The following CSMD2 variants were observed in gnomAD, a reference collection of about 807,000 sequenced individuals.
The protein encoded by CSMD2 is CUB and Sushi multiple domains 2, also known as CUB and sushi domain-containing protein 2.
Under a neutral mutation model 398.5 loss-of-function variants are expected in CSMD2, and 130 were observed. That is an observed-to-expected ratio of 0.33 (90% CI 0.28 to 0.38). The LOEUF (loss-of-function observed/expected upper bound fraction) is 0.38, where lower values mean the gene tolerates loss of function less well. CSMD2 is among the 10% of genes least tolerant of loss of function. The pLI is 1.00. For missense variants in CSMD2, 3,829 were observed against 4,764.9 expected, an observed-to-expected ratio of 0.80 and a Z score of 5.78; for synonymous variants, 1,828 against 1,908.5, an observed-to-expected ratio of 0.96 and a Z score of 1.10.
chr1:33,533,050 C>G lies in CSMD2; in HGVS notation c.10171G>C (p.Glu3391Gln), dbSNP rs775744927. ...SWTGKPPICL[E>Q]VRPSGRPINT... ...AGCTTCCCCGAGCAGGCACACTCAC[C>G]CAGGCAGATGGGCGGCTTGCCTGTC... The change falls in exon 64 of 71, where the codon GAG (glutamate) becomes CAG (glutamine). Residue 3391 changes from glutamate to glutamine, a missense_variant and splice_region_variant. Coordinates refer to ENST00000373381, the MANE Select transcript of CSMD2 (RefSeq NM_001281956.2). This position sits in a 1 kb window ranked among gnomAD's most constrained non-coding sequence, Gnocchi z 4.2. 7.5e-6 allele frequency: 12 copies of G among 1,608,752 alleles called. No individual in the cohort carries two copies. Among genetic ancestry groups the G allele is most frequent in the Non-Finnish European group, 9.3e-6 (11 of 1,177,674 alleles).
At chr1:33,999,255 C>T (rs764555919) in intron 3 of CSMD2, among the ~76,000 whole-genome samples, 2 of 152,086 alleles carry the variant, frequency 1.3e-5, no homozygotes, top group African/African-American at 2.4e-5. Context: ...TTGGAGAGGA[C>T]GGGCAGTGGG....
chr1:33,606,614 C>T (rs1014338766), intron 41 of CSMD2, among the ~76,000 whole-genome samples: 13 of 152,190 alleles, frequency 8.5e-5, no homozygotes, highest in South Asian at 2.1e-4. Context: ...AAAGTCTCAG[C>T]GGAAGCAGGG....
At chr1:33,725,625 C>A (rs1232634750) in intron 16 of CSMD2, 89 bp from the exon 17 acceptor site, 3 of 1,218,404 alleles carry the variant, frequency 2.5e-6, no homozygotes, top group Non-Finnish European at 1.2e-6. Context: ...CCAGGGCTTC[C>A]GAATAACCAG....
intron 3 of CSMD2, among the ~76,000 whole-genome samples, chr1:33,943,958 ACACG>A (rs1005566288): frequency 1.2e-4 from 18 of 145,594 alleles, no homozygotes; most frequent in Non-Finnish European, 2.7e-4. Context: ...ACACACACAC[ACACG>A]AAGCAATAAA....
At chr1:34,092,465 A>G (rs1012630408) in intron 1 of CSMD2, among the ~76,000 whole-genome samples, 3 of 152,138 alleles carry the variant, frequency 2.0e-5, no homozygotes, top group Non-Finnish European at 2.9e-5. Context: ...GAGGCAGAAG[A>G]GGGGTGATTT....
chr1:33,929,054 C>T (rs1644223627), intron 4 of CSMD2, among the ~76,000 whole-genome samples: 1 of 152,190 alleles, frequency 6.6e-6, no homozygotes, highest in African/African-American at 2.4e-5. Flanking sequence ...GCACATGCTT[C>T]CTGCCCTCTG....
intron 28 of CSMD2, among the ~76,000 whole-genome samples, chr1:33,652,110 G>A (rs1643786855): frequency 6.6e-6 from 1 of 152,180 alleles, no homozygotes; most frequent in Non-Finnish European, 1.5e-5. Context: ...ATTACTACAA[G>A]GATTAGATGT....
At chr1:33,649,489 C>T (rs1643641051) in intron 28 of CSMD2, among the ~76,000 whole-genome samples, 1 of 152,078 alleles carries the variant, frequency 6.6e-6, no homozygotes, top group Non-Finnish European at 1.5e-5. Flanking sequence ...ACTAAAAATA[C>T]AAAAATTAGC....
chr1:33,944,232 C>T (rs187300201), intron 3 of CSMD2, among the ~76,000 whole-genome samples: 2 of 134,540 alleles, frequency 1.5e-5, no homozygotes, highest in South Asian at 2.4e-4. Context: ...TCAGGAACGC[C>T]CCCCCCCCAA....
chr1:33,750,816 G>T (rs537690204), intron 13 of CSMD2, among the ~76,000 whole-genome samples: 3 of 152,138 alleles, frequency 2.0e-5, no homozygotes, highest in Non-Finnish European at 2.9e-5. Context: ...TACCAGAGAA[G>T]TCCTAGAAGA....
intron 15 of CSMD2, among the ~76,000 whole-genome samples, chr1:33,737,732 G>T (rs530069630): frequency 6.6e-6 from 1 of 152,026 alleles, no homozygotes; most frequent in African/African-American, 2.4e-5. Context: ...TCATTTATTC[G>T]GTGACTCATC....
intron 5 of CSMD2, among the ~76,000 whole-genome samples, chr1:33,909,154 C>T (rs1277446494): frequency 6.6e-6 from 1 of 152,218 alleles, no homozygotes; most frequent in Non-Finnish European, 1.5e-5. Flanking sequence ...GAGACCTTGA[C>T]TCTGCCTTGC....
intron 21 of CSMD2, among the ~76,000 whole-genome samples, chr1:33,709,780 C>T (rs932477559): frequency 5.3e-5 from 8 of 152,096 alleles, no homozygotes; most frequent in South Asian, 4.2e-4. Context: ...AGTCATTAGT[C>T]GCAACAGCCA....
At chr1:34,019,516 C>T (rs1012676789) in intron 3 of CSMD2, among the ~76,000 whole-genome samples, 1 of 152,170 alleles carries the variant, frequency 6.6e-6, no homozygotes, top group Admixed American at 6.5e-5. Context: ...TCCATAAAGG[C>T]AATGTAGGGA....
chr1:33,759,906 A>T (rs1338306809), intron 13 of CSMD2, among the ~76,000 whole-genome samples: 1 of 152,124 alleles, frequency 6.6e-6, no homozygotes, highest in African/African-American at 2.4e-5. Context: ...TTGTCACCCT[A>T]CTCATGGTAG....
intron 3 of CSMD2, among the ~76,000 whole-genome samples, chr1:33,985,662 AAGG>A (rs1446348007): frequency 6.6e-6 from 1 of 152,322 alleles, no homozygotes; most frequent in East Asian, 1.9e-4. Flanking sequence ...TCAATACTTT[AAGG>A]AGGTTAAGTA....
chr1:33,915,980 G>A (rs1643701221), intron 5 of CSMD2, among the ~76,000 whole-genome samples: 1 of 152,052 alleles, frequency 6.6e-6, no homozygotes, highest in African/African-American at 2.4e-5. Context: ...TTCCTCTTCT[G>A]TAAAAGGAGG....
chr1:34,082,929 T>C (rs908344637), intron 2 of CSMD2, among the ~76,000 whole-genome samples: 75 of 152,122 alleles, frequency 4.9e-4, no homozygotes, highest in African/African-American at 1.7e-3. Flanking sequence ...ACACAAACAC[T>C]GCGGAAGGCC....
At chr1:33,848,720 C>T (rs532554769) in intron 5 of CSMD2, among the ~76,000 whole-genome samples, 1 of 152,012 alleles carries the variant, frequency 6.6e-6, no homozygotes, top group Non-Finnish European at 1.5e-5. Flanking sequence ...TTATAAAAAC[C>T]AATTACTGTA....
Sources: gnomAD v4.1 joint callset for allele counts (sites outside exome capture counted in the v4.1 genomes callset) on GRCh38, gnomAD v4.1.1 for gene constraint, Gnocchi (gnomAD v3.1) non-coding constraint, MANE v1.5 for transcripts, NCBI Gene and HGNC (gene_info 2026-07-23, HGNC 2026-07-21) for gene names.